BDNF: variants seen among roughly 807,000 people sequenced by gnomAD.
BDNF encodes the protein neurotrophic factor BDNF precursor form.
A neutral mutation model predicts 19.5 loss-of-function variants in BDNF; 1 was observed. The ratio of observed to expected loss-of-function variants is 0.05; its 90% confidence interval spans 0.02 to 0.24. The LOEUF is 0.24. Ranked by LOEUF, BDNF falls within the 10% of genes least tolerant of loss-of-function variation. The pLI, the probability that BDNF is intolerant of heterozygous loss-of-function variation, is 1.00. For missense variants in BDNF, 195 were observed against 317.6 expected, an observed-to-expected ratio of 0.61 and a Z score of 2.93; for synonymous variants, 100 against 121.6, an observed-to-expected ratio of 0.82 and a Z score of 1.17.
At chr11:27,660,612 T>C (rs1266892553) in intron 1 of BDNF, among the ~76,000 whole-genome samples, 3 of 152,170 alleles carry the variant, frequency 2.0e-5, no homozygotes, top group African/African-American at 7.2e-5. Flanking sequence ...TGGAATACTT[T>C]AGCCATCTAC....
At chr11:27,700,008 T>G (rs1859715589) in intron 1 of BDNF, among the ~76,000 whole-genome samples, 156 bp downstream of exon 1, 2 of 151,808 alleles carry the variant, frequency 1.3e-5, no homozygotes, top group African/African-American at 4.8e-5. Context: ...GGGAGAAAAC[T>G]CCCCAAGAGT....
chr11:27,709,079 T>A (rs2134101862), intron 1 of BDNF, among the ~76,000 whole-genome samples: 1 of 152,302 alleles, frequency 6.6e-6, no homozygotes, highest in African/African-American at 2.4e-5. Flanking sequence ...TCCACCCGCC[T>A]CAGCCTCCCA....
At chr11:27,682,808 T>C (rs927603174) in intron 1 of BDNF, among the ~76,000 whole-genome samples, 10 of 151,980 alleles carry the variant, frequency 6.6e-5, no homozygotes, top group Non-Finnish European at 1.0e-4. Flanking sequence ...CAGTCTATCA[T>C]TGATGGGCAT....
At chr11:27,678,644 A>T (rs1167819011) in intron 1 of BDNF, among the ~76,000 whole-genome samples, 1 of 152,218 alleles carries the variant, frequency 6.6e-6, no homozygotes, top group Non-Finnish European at 1.5e-5. Context: ...CCTTGTGAAC[A>T]TATAGTTGTT....
intron 1 of BDNF, among the ~76,000 whole-genome samples, chr11:27,711,189 C>T (rs1283700596): frequency 2.0e-5 from 3 of 152,158 alleles, no homozygotes; most frequent in Non-Finnish European, 2.9e-5. Flanking sequence ...GTTTCCTTAT[C>T]TTTAAAAGAA....
intron 1 of BDNF, among the ~76,000 whole-genome samples, chr11:27,705,492 GA>G (rs1860074015): frequency 6.6e-6 from 1 of 151,982 alleles, no homozygotes; most frequent in Non-Finnish European, 1.5e-5. Flanking sequence ...AAATAATTTA[GA>G]AAAAAATAAG....
rs920287043 is a variant in BDNF, at chr11:27,658,730, C to A, written c.-21-145G>T. On this transcript the variant is annotated intron_variant, in intron 1 of 1. Transcript: ENST00000356660. This position sits in a 1 kb window ranked among gnomAD's most constrained non-coding sequence, Gnocchi z 5.7. ...TCTTGGTGATAAACTCCAGCTGCAC[C>A]AGACACAAATCAGTGTCAGTAGTGT... 16 of 1,545,274 alleles carry A rather than the reference C, an allele frequency of 1.0e-5. No homozygotes were observed. The Admixed American group carries it at 3.2e-4, about 31-fold the overall frequency.
chr11:27,657,631 G>T lies in BDNF; in HGVS notation c.*190C>A. On this transcript the variant is annotated 3_prime_UTR_variant, in exon 2 of 2. Coordinates refer to ENST00000356660, the MANE Select transcript of BDNF (RefSeq NM_001709.5). This position sits in a 1 kb window ranked among gnomAD's most constrained non-coding sequence, Gnocchi z 5.0. Reference sequence around the variant, plus strand: ...CAGACTTTTTAAGTTGTGCGCAAATGACTGTTTCCCTTCTGGTCATGGACA... The same window carrying T: ...CAGACTTTTTAAGTTGTGCGCAAATTACTGTTTCCCTTCTGGTCATGGACA... The T allele has an allele frequency of 2.8e-6, 4 of 1,408,374 alleles. No individual in the cohort carries two copies. The highest frequency in any genetic ancestry group is 3.7e-6 in the Non-Finnish European group (4 of 1,086,690). 87.2% of individuals were successfully genotyped at this position (1,408,374 alleles called of 1,614,324 possible).
chr11:27,667,104 G>C (rs1027431662), intron 1 of BDNF, among the ~76,000 whole-genome samples: 3 of 152,156 alleles, frequency 2.0e-5, no homozygotes, highest in Non-Finnish European at 4.4e-5. Flanking sequence ...GAGAGTGGGG[G>C]CCAATATTCA....
At chr11:27,721,112 C>T (rs916676493) in intron 1 of BDNF, among the ~76,000 whole-genome samples, 31 of 151,764 alleles carry the variant, frequency 2.0e-4, no homozygotes, top group Non-Finnish European at 2.9e-5. Context: ...GATCATACAC[C>T]ATACACATTA....
chr11:27,690,891 T>G (rs897245016), intron 1 of BDNF, among the ~76,000 whole-genome samples: 2 of 151,476 alleles, frequency 1.3e-5, no homozygotes, highest in African/African-American at 4.8e-5. Flanking sequence ...ATGCATATCC[T>G]TGTATGTAAA....
intron 1 of BDNF, chr11:27,677,044 A>T (rs1340804971): frequency 6.6e-6 from 1 of 152,228 alleles, no homozygotes; most frequent in African/African-American, 2.4e-5. Context: ...GCGCAAGCCC[A>T]TGGCCATGGT....
At chr11:27,716,707 A>G (rs1235677047) in intron 1 of BDNF, among the ~76,000 whole-genome samples, 2 of 152,220 alleles carry the variant, frequency 1.3e-5, no homozygotes, top group African/African-American at 4.8e-5. Flanking sequence ...CATATTCATT[A>G]GAGTTATTTA....
intron 1 of BDNF, among the ~76,000 whole-genome samples, chr11:27,678,232 T>G (rs1011514941): frequency 1.3e-5 from 2 of 152,104 alleles, no homozygotes; most frequent in Admixed American, 1.3e-4. Flanking sequence ...CCAGGGATTG[T>G]CAACATATGG....
chr11:27,698,226 C>CAAAAAAAAATAAAAAAAAAAAAAA (rs1859385702), intron 1 of BDNF: 1 of 80,784 alleles, frequency 1.2e-5, no homozygotes, highest in Non-Finnish European at 2.4e-5. Context: ...GTAAATTTCC[C>CAAAAAAAAATAAAAAAAAAAAAAA]AAAAAAAAAA....
rs186433062 is a variant in BDNF, at chr11:27,665,071, G to T, written c.-21-6486C>A. On this transcript the variant is annotated intron_variant, in intron 1 of 1. Transcript: ENST00000356660. ...ATGGCAGTTGACATTCCCTGTAAAA[G>T]TTTAACCTCTTCAATTAGAATTCTG... Among the ~76,000 whole-genome samples the T allele has an allele frequency of 9.8e-4, 150 of 152,332 alleles. 3 individuals carry two copies. In the East Asian group the frequency reaches 0.026, roughly 27 times the overall value.
At chr11:27,681,788 G>A (rs528928796) in intron 1 of BDNF, among the ~76,000 whole-genome samples, 3 of 152,238 alleles carry the variant, frequency 2.0e-5, no homozygotes, top group African/African-American at 7.2e-5. Flanking sequence ...AATTCATTAA[G>A]CATTTACTAT....
At chr11:27,715,979 GA>G (rs932491336) in intron 1 of BDNF, among the ~76,000 whole-genome samples, 2 of 151,814 alleles carry the variant, frequency 1.3e-5, no homozygotes, top group African/African-American at 4.8e-5. Context: ...AAAGAAAGCA[GA>G]AAAAAAATCC....
intron 1 of BDNF, among the ~76,000 whole-genome samples, chr11:27,698,543 A>G (rs750017730): frequency 1.3e-5 from 2 of 152,232 alleles, no homozygotes; most frequent in Non-Finnish European, 2.9e-5. Context: ...TTGTAAGACC[A>G]AAATGGCTTT....
Sources: allele counts gnomAD v4.1 joint callset (sites outside exome capture counted in the v4.1 genomes callset), GRCh38; gene constraint gnomAD v4.1.1; non-coding constraint Gnocchi (gnomAD v3.1); transcripts MANE v1.5; gene names NCBI Gene and HGNC (gene_info 2026-07-23, HGNC 2026-07-21).